Variants in POF1B observed in about 807,000 individuals in gnomAD.
POF1B encodes protein POF1B.
Under a neutral mutation model 55.3 loss-of-function variants are expected in POF1B, and 53 were observed. The observed-to-expected ratio is 0.96, with a 90% CI of 0.77 to 1.20. The LOEUF (loss-of-function observed/expected upper bound fraction) is 1.20. Among genes scored for constraint, POF1B ranks in the 50% most tolerant of loss-of-function variants. The pLI is 0.00. For synonymous variants in POF1B, 188 were observed against 148.3 expected, an observed-to-expected ratio of 1.27 and a Z score of -1.95; for missense variants, 478 against 420.5, an observed-to-expected ratio of 1.14 and a Z score of -1.20.
At chrX:85,294,668 C>T (rs1432506850) in intron 15 of POF1B, among the ~76,000 whole-genome samples, 5 of 111,062 alleles carry the variant, frequency 4.5e-5, no homozygotes, top group Admixed American at 9.6e-5. Flanking sequence ...GTTATTGGCA[C>T]GAAATTTTCT....
intron 5 of POF1B, among the ~76,000 whole-genome samples, chrX:85,347,907 A>T (rs1421616949): frequency 1.8e-5 from 2 of 110,924 alleles, no homozygotes; most frequent in Non-Finnish European, 3.8e-5. Context: ...ATGAGGTAAA[A>T]TTACACTGAT....
rs1443613844 is a variant in POF1B, at chrX:85,303,390, T to C, written c.1649+16A>G. ...TCATAATTTTTATATTCAAATTTCATTTAAAAATACATTACTTTTTAGTGG... is the reference window on the plus strand; with the variant it reads ...TCATAATTTTTATATTCAAATTTCACTTAAAAATACATTACTTTTTAGTGG... On this transcript the variant is annotated intron_variant, in intron 15 of 16. Transcript: ENST00000262753. 46 of 1,048,369 alleles carry C rather than the reference T, an allele frequency of 4.4e-5. No individual in the cohort carries two copies. Among genetic ancestry groups the C allele is most frequent in the Non-Finnish European group, 6.0e-5 (46 of 765,685 alleles). The allele number at this position is 1,048,369 out of a possible 1,213,427, so 86.4% of individuals were successfully genotyped here. A position where few individuals can be genotyped will look rare whatever the true frequency, so the allele number is the denominator to read the frequency against.
chrX:85,293,994 A>G (rs763206739), intron 15 of POF1B, among the ~76,000 whole-genome samples: 1 of 110,877 alleles, frequency 9.0e-6, no homozygotes, highest in African/African-American at 3.3e-5. Flanking sequence ...TAAATAAAGA[A>G]GAAGAAGAAG....
At chrX:85,342,245 TA>T (rs2147932427) in intron 6 of POF1B, among the ~76,000 whole-genome samples, 1 of 111,987 alleles carries the variant, frequency 8.9e-6, no homozygotes, top group East Asian at 2.8e-4. Flanking sequence ...ATTAATTTTA[TA>T]AAAATATTTT....
chrX:85,328,124 G>A (rs1932919117), intron 7 of POF1B, among the ~76,000 whole-genome samples: 1 of 109,929 alleles, frequency 9.1e-6, no homozygotes, highest in Non-Finnish European at 1.9e-5. Context: ...AATTACATTG[G>A]GCAGAAAAAG....
intron 15 of POF1B, among the ~76,000 whole-genome samples, chrX:85,282,609 A>G (rs1027734759): frequency 1.8e-5 from 2 of 111,084 alleles, no homozygotes; most frequent in Non-Finnish European, 3.8e-5. Flanking sequence ...GGGCCCTACA[A>G]GTGCCTAGCT....
In POF1B at chrX:85,379,108, A is replaced by G. The variant is rs1055154106; in HGVS notation, c.282+65T>C. On this transcript the variant is annotated intron_variant, in intron 2 of 16. Coordinates refer to ENST00000262753, the MANE Select transcript of POF1B (RefSeq NM_024921.4). ...GTGGAATAGAGGCAAAGAAGCAGAA[A>G]GGAAGAGAAATCAGGTTGAAGATTG... 1.5e-5 allele frequency: 17 copies of G among 1,111,293 alleles called. No individual in the cohort carries two copies. The Admixed American group carries it at 3.2e-4, about 21-fold the overall frequency. The allele number at this position is 1,111,293 out of a possible 1,213,427, so 91.6% of individuals were successfully genotyped here. A position where few individuals can be genotyped will look rare whatever the true frequency, so the allele number is the denominator to read the frequency against.
chrX:85,322,637 C>T (rs1932851347), intron 7 of POF1B, among the ~76,000 whole-genome samples: 1 of 111,219 alleles, frequency 9.0e-6, no homozygotes, highest in South Asian at 3.8e-4. Flanking sequence ...CAAAGGAAAC[C>T]ACCATCAGAG....
At chrX:85,374,494 T>G (rs1278860174) in intron 2 of POF1B, among the ~76,000 whole-genome samples, 1 of 112,320 alleles carries the variant, frequency 8.9e-6, no homozygotes, top group Non-Finnish European at 1.9e-5. Context: ...ATTTGGAAAC[T>G]TGCTAACATG....
chrX:85,363,450 T>C (rs755539741), intron 3 of POF1B, among the ~76,000 whole-genome samples: 7 of 111,892 alleles, frequency 6.3e-5, no homozygotes, highest in Non-Finnish European at 1.3e-4. Context: ...GTTGTATCTT[T>C]GTTCTCATTA....
chrX:85,319,737 A>T (rs1307639225), intron 7 of POF1B, among the ~76,000 whole-genome samples: 1 of 111,442 alleles, frequency 9.0e-6, no homozygotes, highest in Non-Finnish European at 1.9e-5. Flanking sequence ...TGTGGTGTGG[A>T]TTAGCTTTTC....
intron 3 of POF1B, among the ~76,000 whole-genome samples, chrX:85,361,867 T>C (rs191804180): frequency 1.1e-3 from 123 of 111,141 alleles, no homozygotes; most frequent in African/African-American, 4.0e-3. Context: ...TCCATGTTTG[T>C]GTCATCTCTG....
chrX:85,313,142 C>G (rs1436536511), intron 9 of POF1B, among the ~76,000 whole-genome samples: 1 of 111,772 alleles, frequency 8.9e-6, no homozygotes, highest in Non-Finnish European at 1.9e-5. Flanking sequence ...TTGACTTCCT[C>G]TCTTGCTATT....
At chrX:85,336,795 A>T (rs930671226) in intron 6 of POF1B, among the ~76,000 whole-genome samples, 1 of 111,323 alleles carries the variant, frequency 9.0e-6, no homozygotes, top group African/African-American at 3.3e-5. Context: ...GAAGATTTTA[A>T]CTTGATGTAA....
intron 7 of POF1B, among the ~76,000 whole-genome samples, chrX:85,323,599 A>G (rs1185825781): frequency 9.4e-6 from 1 of 106,827 alleles, no homozygotes; most frequent in African/African-American, 3.3e-5. Flanking sequence ...GTATAATAAT[A>G]ATAAAATAAA....
At chrX:85,309,346 T>C (rs184220971) in intron 9 of POF1B, among the ~76,000 whole-genome samples, 2 of 107,641 alleles carry the variant, frequency 1.9e-5, no homozygotes, top group East Asian at 2.9e-4. Context: ...ATCTCTACTT[T>C]TGTTGCTTCA....
intron 2 of POF1B, among the ~76,000 whole-genome samples, chrX:85,378,631 A>G (rs1312855526): frequency 1.8e-5 from 2 of 111,959 alleles, no homozygotes; most frequent in Non-Finnish European, 3.8e-5. Context: ...AGGCTGTACG[A>G]TAAAAAGTGT....
intron 2 of POF1B, among the ~76,000 whole-genome samples, chrX:85,376,845 T>G (rs1933932085): frequency 9.0e-6 from 1 of 111,289 alleles, no homozygotes. Context: ...TCAATTTTGG[T>G]TTCTCAAAGG....
At chrX:85,309,946 A>G (rs1344459257) in intron 9 of POF1B, among the ~76,000 whole-genome samples, 1 of 112,093 alleles carries the variant, frequency 8.9e-6, no homozygotes, top group African/African-American at 3.2e-5. Flanking sequence ...ACCCTATCGC[A>G]TCAAGAGAAG....
Sources: gnomAD v4.1 joint callset for allele counts (sites outside exome capture counted in the v4.1 genomes callset) on GRCh38, gnomAD v4.1.1 for gene constraint, MANE v1.5 for transcripts, NCBI Gene and HGNC (gene_info 2026-07-23, HGNC 2026-07-21) for gene names.